Variants in CRPPA observed in about 807,000 individuals in gnomAD.
The protein encoded by CRPPA is D-ribitol-5-phosphate cytidylyltransferase.
A neutral mutation model predicts 52.0 loss-of-function variants in CRPPA; 43 were observed. The observed-to-expected ratio is 0.83, with a 90% CI of 0.65 to 1.07. CRPPA has a LOEUF of 1.07. CRPPA is among the 50% of genes least tolerant of loss of function. CRPPA has a pLI of 0.00. For synonymous variants in CRPPA, 250 were observed against 203.5 expected, an observed-to-expected ratio of 1.23 and a Z score of -1.94; for missense variants, 629 against 551.7, an observed-to-expected ratio of 1.14 and a Z score of -1.40.
chr7:16,412,263 G>A (rs911749126), intron 1 of CRPPA, among the ~76,000 whole-genome samples: 23 of 152,154 alleles, frequency 1.5e-4, no homozygotes, highest in African/African-American at 5.6e-4. Flanking sequence ...TCAGTTTATA[G>A]TAAGTTTTAA....
At chr7:16,287,097 C>T (rs1257394160) in intron 5 of CRPPA, among the ~76,000 whole-genome samples, 1 of 151,996 alleles carries the variant, frequency 6.6e-6, no homozygotes, top group Non-Finnish European at 1.5e-5. Context: ...ATATATTTTA[C>T]CTAATGATTA....
rs376180775 is a variant in CRPPA at position 16,379,585 on chromosome 7, C to T, written c.535-3344G>A. ...AATCTATAAATTACCTTGGGCAGTA[C>T]GGCCATTTTCACAATATTGATTCCT... On this transcript the variant is annotated intron_variant, in intron 2 of 9. Coordinates refer to ENST00000407010, the MANE Select transcript of CRPPA (RefSeq NM_001101426.4). Among the ~76,000 whole-genome samples, 914 of 152,164 alleles carry T rather than the reference C, an allele frequency of 6.0e-3. 7 individuals are homozygous for T. Among genetic ancestry groups the T allele is most frequent in the African/African-American group, 0.02 (845 of 41,496 alleles).
At chr7:16,378,921 G>A (rs1162496243) in intron 2 of CRPPA, among the ~76,000 whole-genome samples, 1 of 152,106 alleles carries the variant, frequency 6.6e-6, no homozygotes, top group African/African-American at 2.4e-5. Flanking sequence ...TTTGAGAAGT[G>A]TCTGTTCATC....
intron 1 of CRPPA, among the ~76,000 whole-genome samples, chr7:16,414,953 T>C (rs2128320021): frequency 6.6e-6 from 1 of 152,338 alleles, no homozygotes; most frequent in South Asian, 2.1e-4. Flanking sequence ...CTAATACATA[T>C]GTCTATACAT....
intron 5 of CRPPA, among the ~76,000 whole-genome samples, chr7:16,297,402 C>A (rs1784696352): frequency 1.3e-5 from 2 of 152,206 alleles, no homozygotes; most frequent in South Asian, 4.2e-4. Context: ...TATTCTAGTT[C>A]CCTATAAGCA....
chr7:16,257,068 T>C (rs1158492820), intron 8 of CRPPA, among the ~76,000 whole-genome samples: 1 of 152,126 alleles, frequency 6.6e-6, no homozygotes, highest in Non-Finnish European at 1.5e-5. Flanking sequence ...AGCAGTGTGC[T>C]AGAAACTACA....
intron 5 of CRPPA, among the ~76,000 whole-genome samples, chr7:16,282,742 G>A (rs1301862476): frequency 6.6e-6 from 1 of 152,020 alleles, no homozygotes; most frequent in Non-Finnish European, 1.5e-5. Flanking sequence ...TAGATTCGAG[G>A]TAAAATAACA....
chr7:16,380,939 C>A (rs71466740), intron 2 of CRPPA, among the ~76,000 whole-genome samples: 1 of 151,782 alleles, frequency 6.6e-6, no homozygotes, highest in East Asian at 1.9e-4. Context: ...TTCAAAAAAC[C>A]AGCTCCTGGA....
At chr7:16,306,551 G>T (rs567507488) in intron 4 of CRPPA, among the ~76,000 whole-genome samples, 2 of 152,284 alleles carry the variant, frequency 1.3e-5, no homozygotes, top group Admixed American at 1.3e-4. Context: ...AACTTGATGA[G>T]GGCTCAGAAC....
intron 8 of CRPPA, among the ~76,000 whole-genome samples, chr7:16,216,873 C>T (rs370539563): frequency 4.9e-4 from 74 of 151,606 alleles, no homozygotes; most frequent in Middle Eastern, 3.4e-3. Context: ...GAGGGGCGCC[C>T]GCCATTGCCC....
In CRPPA at chr7:16,144,396, G is replaced by A. The variant is rs565443319; in HGVS notation, c.1252-52597C>T. Among the ~76,000 whole-genome samples, 36 of 152,300 alleles carry A rather than the reference G, an allele frequency of 2.4e-4. 1 individual carries two copies. In the South Asian group the frequency reaches 6.4e-3, roughly 27 times the overall value. ...CTAGAGACATGCCCAAGGGAGCTGG[G>A]AGAAGTCATATGCAGGAGTTCAGTC... On this transcript the variant is annotated intron_variant, in intron 9 of 9. Transcript: ENST00000407010.
At chr7:16,118,632 C>T (rs1017643730) in intron 9 of CRPPA, among the ~76,000 whole-genome samples, 2 of 152,074 alleles carry the variant, frequency 1.3e-5, no homozygotes, top group African/African-American at 4.8e-5. Context: ...ACTAGGACTG[C>T]CTGGGATTCC....
chr7:16,330,686 C>G lies in CRPPA; in HGVS notation c.685-22059G>C, dbSNP rs554351734. Among the ~76,000 whole-genome samples, 14 of 152,196 alleles carry G rather than the reference C, an allele frequency of 9.2e-5. No homozygotes were observed. In the South Asian group the frequency reaches 1.2e-3, roughly 14 times the overall value. Reference sequence around the variant, plus strand: ...CCAGGAGCTTGATCAGGTTCTCATACTACTAATATGGGAGAGAAATTTCTT... The same window carrying G: ...CCAGGAGCTTGATCAGGTTCTCATAGTACTAATATGGGAGAGAAATTTCTT... On this transcript the variant is annotated intron_variant, in intron 3 of 9. Coordinates refer to ENST00000407010, the MANE Select transcript of CRPPA (RefSeq NM_001101426.4).
intron 9 of CRPPA, among the ~76,000 whole-genome samples, chr7:16,177,903 TC>T (rs909088689): frequency 6.6e-6 from 1 of 152,078 alleles, no homozygotes; most frequent in Non-Finnish European, 1.5e-5. Flanking sequence ...CTGTGGTTCT[TC>T]CAAGCTTGAG....
chr7:16,184,966 G>C (rs1781477887), intron 9 of CRPPA, among the ~76,000 whole-genome samples: 1 of 152,106 alleles, frequency 6.6e-6, no homozygotes, highest in Admixed American at 6.5e-5. Flanking sequence ...GGACATTTTT[G>C]TGGATTTTTA....
chr7:16,140,376 G>A (rs1289743639), intron 9 of CRPPA, among the ~76,000 whole-genome samples: 1 of 151,966 alleles, frequency 6.6e-6, no homozygotes, highest in African/African-American at 2.4e-5. Flanking sequence ...TGTTGCCCAG[G>A]CTGGTCTCAA....
chr7:16,173,536 A>G (rs1781236235), intron 9 of CRPPA, among the ~76,000 whole-genome samples: 1 of 152,228 alleles, frequency 6.6e-6, no homozygotes, highest in Non-Finnish European at 1.5e-5. Flanking sequence ...TGGACCACTT[A>G]GAAAAACTAA....
At chr7:16,406,847 C>T (rs57901488) in intron 1 of CRPPA, among the ~76,000 whole-genome samples, 108 of 152,248 alleles carry the variant, frequency 7.1e-4, no homozygotes, top group African/African-American at 2.5e-3. Flanking sequence ...TTGCTAAATA[C>T]GTACCTTAAA....
At chr7:16,139,958 T>G (rs1782835894) in intron 9 of CRPPA, among the ~76,000 whole-genome samples, 1 of 152,040 alleles carries the variant, frequency 6.6e-6, no homozygotes, top group South Asian at 2.1e-4. Context: ...TAGCCATACT[T>G]CCCACAGACA....
Sources: gnomAD v4.1 joint callset for allele counts (sites outside exome capture counted in the v4.1 genomes callset) on GRCh38, gnomAD v4.1.1 for gene constraint, MANE v1.5 for transcripts, NCBI Gene and HGNC (gene_info 2026-07-23, HGNC 2026-07-21) for gene names.